TOPBP1: variants seen among roughly 807,000 people sequenced by gnomAD.
TOPBP1 encodes the protein DNA topoisomerase 2-binding protein 1.
TOPBP1 carries 28 observed loss-of-function variants against 167.7 expected under a neutral mutation model. That is an observed-to-expected ratio of 0.17 (90% CI 0.12 to 0.23). TOPBP1 has a LOEUF of 0.23. Ranked by LOEUF, TOPBP1 falls within the 10% of genes least tolerant of loss-of-function variation. TOPBP1 has a pLI of 1.00. For synonymous variants in TOPBP1, 598 were observed against 611.4 expected, an observed-to-expected ratio of 0.98 and a Z score of 0.32; for missense variants, 1,554 against 1,809.6, an observed-to-expected ratio of 0.86 and a Z score of 2.56.
intron 27 of TOPBP1, among the ~76,000 whole-genome samples, chr3:133,606,495 CTT>C (rs750468980): frequency 0.13 from 16,084 of 124,958 alleles, 426 homozygotes; most frequent in Non-Finnish European, 0.18. Flanking sequence ...CACTCTAGGC[CTT>C]TTTTTTTTTT....
intron 21 of TOPBP1, 181 bp from the exon 22 acceptor site, chr3:133,617,507 G>A: frequency 1.9e-6 from 1 of 513,314 alleles, no homozygotes; most frequent in Non-Finnish European, 3.2e-6. Context: ...CCATCTGCAT[G>A]TGACAATAAT....
chr3:133,630,118 ACTAT>A (rs1935419887), intron 14 of TOPBP1, among the ~76,000 whole-genome samples: 1 of 151,836 alleles, frequency 6.6e-6, no homozygotes, highest in Non-Finnish European at 1.5e-5. Flanking sequence ...TTTTGTGATA[ACTAT>A]CTGCTCCTAT....
chr3:133,660,054 T>A (rs994700632), intron 2 of TOPBP1, among the ~76,000 whole-genome samples: 10 of 152,088 alleles, frequency 6.6e-5, no homozygotes, highest in Admixed American at 3.9e-4. Context: ...CATCCCTCAC[T>A]CACTACACAA....
chr3:133,643,392 T>C lies in TOPBP1; in HGVS notation c.1849-20A>G, dbSNP rs1214854162. 1.9e-6 allele frequency: 3 copies of C among 1,544,050 alleles called. No individual in the cohort carries two copies. The highest frequency in any genetic ancestry group is 4.4e-5 in the Admixed American group (2 of 45,914). Reference sequence around the variant, plus strand: ...AGTAACCTTTTAAAAACAAAAGAAATAGTAAAGCCAACCTGAAATAAGCAA... The same window carrying C: ...AGTAACCTTTTAAAAACAAAAGAAACAGTAAAGCCAACCTGAAATAAGCAA... On this transcript the variant is annotated intron_variant, in intron 11 of 27. Coordinates refer to ENST00000260810, the MANE Select transcript of TOPBP1 (RefSeq NM_007027.4).
intron 13 of TOPBP1, among the ~76,000 whole-genome samples, chr3:133,638,872 T>G (rs1391290122): frequency 6.6e-6 from 1 of 152,216 alleles, no homozygotes; most frequent in Non-Finnish European, 1.5e-5. Context: ...TCACAAGACA[T>G]GCATGTTCAC....
intron 20 of TOPBP1, among the ~76,000 whole-genome samples, chr3:133,619,348 C>T (rs1222300485): frequency 1.3e-5 from 2 of 152,118 alleles, no homozygotes; most frequent in Non-Finnish European, 2.9e-5. Flanking sequence ...TAATGAACTG[C>T]CTCATGTAAT....
intron 23 of TOPBP1, 36 bp from the exon 24 acceptor site, chr3:133,612,588 T>TC: frequency 6.5e-7 from 1 of 1,540,590 alleles, no homozygotes; most frequent in Non-Finnish European, 8.8e-7. Context: ...CTTTATTGAT[T>TC]CCCAACTTCT....
intron 2 of TOPBP1, among the ~76,000 whole-genome samples, chr3:133,659,987 G>A (rs1410509721): frequency 6.6e-6 from 1 of 151,716 alleles, no homozygotes; most frequent in Non-Finnish European, 1.5e-5. Context: ...TGGCCCACAA[G>A]GCCCTACATG....
At chr3:133,603,852 G>A (rs1934399403) in intron 27 of TOPBP1, among the ~76,000 whole-genome samples, 1 of 151,786 alleles carries the variant, frequency 6.6e-6, no homozygotes, top group South Asian at 2.1e-4. Context: ...GATATTTTTA[G>A]AACACAACAC....
chr3:133,620,084 G>A, intron 20 of TOPBP1, 71 bp downstream of exon 20: 1 of 1,443,550 alleles, frequency 6.9e-7, no homozygotes, highest in Non-Finnish European at 9.2e-7. Flanking sequence ...ATGGAATTGA[G>A]TCAGCAGCAG....
Position 133,637,990 on chromosome 3 carries a change from G to C in TOPBP1, c.2406C>G (p.Val802=), listed in dbSNP as rs1438093290. 1.9e-6 allele frequency: 3 copies of C among 1,613,852 alleles called. No homozygotes were observed. In the African/African-American group the frequency reaches 4.0e-5, roughly 22 times the overall value. The change falls in exon 14 of 28, where the codon GTC becomes GTG. Residue 802 remains valine (V), a synonymous_variant. Transcript: ENST00000260810. The part of the protein sequence containing the change: ...RAVVSQHARQ[V]AASPAVGQPL... Reference sequence around the variant, plus strand: ...GTTGTCCTACTGCTGGGGAGGCTGCGACCTGTCTGGCATGTTGTGAGACCA... The same window carrying C: ...GTTGTCCTACTGCTGGGGAGGCTGCCACCTGTCTGGCATGTTGTGAGACCA...
chr3:133,613,786 T>C (rs1042773934), intron 23 of TOPBP1, among the ~76,000 whole-genome samples: 6 of 146,886 alleles, frequency 4.1e-5, no homozygotes, highest in Non-Finnish European at 9.0e-5. Flanking sequence ...ATCAAGGACT[T>C]TTTTTTTTTT....
chr3:133,623,482 G>C (rs760168278), intron 17 of TOPBP1, 25 bp from the exon 18 acceptor site: 52 of 1,579,134 alleles, frequency 3.3e-5, no homozygotes, highest in Middle Eastern at 3.4e-4. Flanking sequence ...TGTGCTTTAA[G>C]ACAGGACTGA....
rs1375629852 is a variant in TOPBP1, at chr3:133,644,080, A to T, written c.1788T>A (p.Val596=). ...LSRTVADYAV[V]PLLGCEVEAT... is the part of the protein sequence containing the mutation. ...CTTCCACTTCACACCCCAGCAGAGG[A>T]ACCACAGCATAATCCGCAACAGTTC... The change falls in exon 11 of 28, where the codon GTT becomes GTA. Residue 596 remains valine (V), a synonymous_variant. Coordinates refer to ENST00000260810, the MANE Select transcript of TOPBP1 (RefSeq NM_007027.4). The T allele has an allele frequency of 1.9e-6, 3 of 1,613,644 alleles. No individual in the cohort carries two copies. The highest frequency in any genetic ancestry group is 2.5e-6 in the Non-Finnish European group (3 of 1,179,812).
intron 10 of TOPBP1, among the ~76,000 whole-genome samples, chr3:133,644,602 C>G (rs182315639): frequency 8.7e-4 from 132 of 152,224 alleles, no homozygotes; most frequent in Middle Eastern, 3.4e-3. Flanking sequence ...TCTAGGTATT[C>G]CTAGTATAAT....
In TOPBP1 at chr3:133,653,416, G is replaced by C. The variant is rs558321920; in HGVS notation, c.851C>G (p.Thr284Arg). ...AGTCTTTGCTTCTGGTCTAGGTTCT[G>C]TCTTGTATATGGATTCATCCTGACA... is the stretch of plus-strand genomic sequence containing the variant. ...GFCQDESIYK[T>R]EPRPEAKTMP... Residue 284 changes from threonine (T) to arginine (R), a missense_variant, in exon 7 of 28, where the codon ACA (threonine) becomes AGA (arginine). Transcript: ENST00000260810. The C allele has an allele frequency of 1.9e-6, 3 of 1,613,186 alleles. No individual in the cohort carries two copies. In the African/African-American group the frequency reaches 4.0e-5, roughly 22 times the overall value.
At chr3:133,628,776 G>T in intron 14 of TOPBP1, 43 bp from the exon 15 acceptor site, 1 of 1,540,140 alleles carries the variant, frequency 6.5e-7, no homozygotes, top group Non-Finnish European at 8.8e-7. Flanking sequence ...AAAGAAGAGA[G>T]AGAGAGAGAA....
intron 27 of TOPBP1, among the ~76,000 whole-genome samples, chr3:133,602,725 A>C (rs1934347265): frequency 1.3e-5 from 2 of 152,206 alleles, no homozygotes; most frequent in South Asian, 4.1e-4. Flanking sequence ...AAAAGCAGCC[A>C]TAGAAAATAC....
At position 133,652,538 on chromosome 3, in the gene TOPBP1, C is replaced by T. The variant is rs376264237; in HGVS notation, c.1014G>A (p.Glu338=). ...GATTTTCTAGATTTTCAAGTGTAGG[C>T]TCCAGTTTGCTGTTAAGTGAATTAC... ...SICNSLNSKL[E]PTLENLENLD... Residue 338 remains glutamate, a synonymous_variant, in exon 8 of 28, where the codon GAG becomes GAA. Transcript: ENST00000260810. 1.1e-5 allele frequency: 17 copies of T among 1,611,902 alleles called. No individual in the cohort carries two copies. Among genetic ancestry groups the T allele is most frequent in the East Asian group, 2.2e-5 (1 of 44,880 alleles).
Sources: gnomAD v4.1 joint callset for allele counts (sites outside exome capture counted in the v4.1 genomes callset) on GRCh38, gnomAD v4.1.1 for gene constraint, MANE v1.5 for transcripts, NCBI Gene and HGNC (gene_info 2026-07-23, HGNC 2026-07-21) for gene names.